The following PLEKHA7 variants were observed in gnomAD, a reference collection of about 807,000 sequenced individuals.
The protein encoded by PLEKHA7 is pleckstrin homology domain containing A7.
A neutral mutation model predicts 170.0 loss-of-function variants in PLEKHA7; 104 were observed. That is an observed-to-expected ratio of 0.61 (90% CI 0.52 to 0.72). The LOEUF is 0.72. Among genes scored for constraint, PLEKHA7 ranks in the 30% least tolerant of loss-of-function variants. The pLI is 0.00. For synonymous variants in PLEKHA7, 648 were observed against 660.8 expected, an observed-to-expected ratio of 0.98 and a Z score of 0.30; for missense variants, 1,615 against 1,671.7, an observed-to-expected ratio of 0.97 and a Z score of 0.59.
chr11:16,918,092 A>T (rs777488988), intron 3 of PLEKHA7, among the ~76,000 whole-genome samples: 1 of 152,234 alleles, frequency 6.6e-6, no homozygotes, highest in Non-Finnish European at 1.5e-5. Context: ...GAACTCTGAA[A>T]GTATGGATAG....
At chr11:16,972,863 G>C (rs185838660) in intron 3 of PLEKHA7, among the ~76,000 whole-genome samples, 1 of 152,090 alleles carries the variant, frequency 6.6e-6, no homozygotes, top group East Asian at 1.9e-4. Flanking sequence ...TAGAAACCTC[G>C]GCCAGTAACC....
chr11:16,851,602 C>A (rs940222786), intron 7 of PLEKHA7, among the ~76,000 whole-genome samples: 3 of 152,148 alleles, frequency 2.0e-5, no homozygotes, highest in African/African-American at 7.2e-5. Flanking sequence ...GCATGCGCCA[C>A]CATGCCTGGC....
intron 3 of PLEKHA7, among the ~76,000 whole-genome samples, chr11:16,956,500 T>C (rs564255287): frequency 6.6e-6 from 1 of 152,292 alleles, no homozygotes; most frequent in South Asian, 2.1e-4. Flanking sequence ...AGTTTAGTGT[T>C]CCTCCCACCA....
intron 3 of PLEKHA7, among the ~76,000 whole-genome samples, chr11:16,999,392 A>T (rs553222240): frequency 3.3e-5 from 5 of 151,956 alleles, no homozygotes; most frequent in Admixed American, 1.3e-4. Flanking sequence ...GGAGCTGCAC[A>T]CCTACCCCCA....
chr11:16,844,173 C>CA lies in PLEKHA7; in HGVS notation c.697-2452dup, dbSNP rs1419910613. Among the ~76,000 whole-genome samples, 8 of 152,112 alleles carry CA rather than the reference C, an allele frequency of 5.3e-5. No homozygotes were observed. In the South Asian group the frequency reaches 1.5e-3, roughly 28 times the overall value. ...ATAAAGACAACAGATCCCTGCTGTA[C>CA]AAAAAATTCATGGAGCCAGCCTTGT... On this transcript the variant is annotated intron_variant, in intron 8 of 26. Coordinates refer to ENST00000531066, the MANE Select transcript of PLEKHA7 (RefSeq NM_001329630.2).
chr11:16,794,190 G>A (rs147001296), intron 19 of PLEKHA7, among the ~76,000 whole-genome samples: 47 of 151,816 alleles, frequency 3.1e-4, no homozygotes, highest in African/African-American at 1.1e-3. Context: ...ACACCTCTCT[G>A]CAGATCACAA....
intron 5 of PLEKHA7, 32 bp downstream of exon 5, chr11:16,855,771 G>A: frequency 6.7e-7 from 1 of 1,491,146 alleles, no homozygotes; most frequent in Non-Finnish European, 9.3e-7. Flanking sequence ...TATAAAAGAA[G>A]GGAAGGAAGG....
chr11:16,916,040 T>G (rs1300990689), intron 3 of PLEKHA7, among the ~76,000 whole-genome samples: 2 of 150,602 alleles, frequency 1.3e-5, no homozygotes, highest in East Asian at 3.9e-4. Context: ...TCCTGACTTT[T>G]TAATGATTGC....
At chr11:16,955,889 A>T (rs948659885) in intron 3 of PLEKHA7, among the ~76,000 whole-genome samples, 9 of 152,198 alleles carry the variant, frequency 5.9e-5, no homozygotes, top group African/African-American at 2.2e-4. Context: ...TAGAGACCAT[A>T]CATAGTCACT....
intron 3 of PLEKHA7, among the ~76,000 whole-genome samples, chr11:16,959,437 T>C (rs929121354): frequency 2.0e-5 from 3 of 152,214 alleles, no homozygotes; most frequent in African/African-American, 7.2e-5. Flanking sequence ...GCAGAAAACA[T>C]GTTTGTAAAC....
In PLEKHA7 at chr11:17,009,998, A is replaced by G. The variant is rs74844549; in HGVS notation, c.221+3991T>C. Among the ~76,000 whole-genome samples, 365 of 152,320 alleles carry G rather than the reference A, an allele frequency of 2.4e-3. 1 individual carries two copies. The highest frequency in any genetic ancestry group is 8.5e-3 in the African/African-American group (353 of 41,574). On this transcript the variant is annotated intron_variant, in intron 3 of 26. Coordinates refer to ENST00000531066, the MANE Select transcript of PLEKHA7 (RefSeq NM_001329630.2). ...TGGGAGAACCAACAGTAGATTTCTT[A>G]TACATTTTGTCCCTCATTAATGCAA...
chr11:16,910,291 CA>C (rs1268811462), intron 3 of PLEKHA7, among the ~76,000 whole-genome samples: 3 of 152,178 alleles, frequency 2.0e-5, no homozygotes, highest in African/African-American at 7.2e-5. Flanking sequence ...GCGACTTGCC[CA>C]AGATCACACA....
intron 10 of PLEKHA7, among the ~76,000 whole-genome samples, chr11:16,818,585 T>C (rs891634386): frequency 1.3e-5 from 2 of 152,236 alleles, no homozygotes; most frequent in South Asian, 2.1e-4. Context: ...AGGTCCTATA[T>C]TGATGTGATC....
chr11:17,007,627 G>A (rs1321421523), intron 3 of PLEKHA7, among the ~76,000 whole-genome samples: 1 of 148,040 alleles, frequency 6.8e-6, no homozygotes, highest in Non-Finnish European at 1.5e-5. Flanking sequence ...AGGCTGGAGT[G>A]CAGTGGCGTG....
In PLEKHA7 at chr11:16,993,649, C is replaced by G. The variant is rs1217591206; in HGVS notation, c.221+20340G>C. ...TAAAAACTGCCCCAGCTGCAATGGT[C>G]TCAAATGGTTCCACTTGACATGCTT... On this transcript the variant is annotated intron_variant, in intron 3 of 26. Coordinates refer to ENST00000531066, the MANE Select transcript of PLEKHA7 (RefSeq NM_001329630.2). Among the ~76,000 whole-genome samples the G allele has an allele frequency of 2.0e-5, 3 of 152,326 alleles. No individual in the cohort carries two copies. In the East Asian group the frequency reaches 5.8e-4, roughly 29 times the overall value.
rs770899975 is a variant in PLEKHA7 at position 16,816,842 on chromosome 11, C to A, written c.1824G>T (p.Ser608=). 1.3e-5 allele frequency: 21 copies of A among 1,614,110 alleles called. No individual in the cohort carries two copies. In the South Asian group the frequency reaches 1.9e-4, roughly 14 times the overall value. Residue 608 remains serine, a synonymous_variant, in exon 11 of 27, where the codon TCG becomes TCT. Transcript: ENST00000531066. ...PPDQRRSVDI[S]LGDSPRRARG... is the part of the protein sequence containing the mutation. The stretch of plus-strand genomic sequence containing the variant: ...GTGCCCTCCTTGGAGAATCCCCCAG[C>A]GAGATGTCCACACTCCTCCTCTGGT...
intron 3 of PLEKHA7, among the ~76,000 whole-genome samples, chr11:17,006,727 G>A (rs1865022443): frequency 6.6e-6 from 1 of 152,156 alleles, no homozygotes; most frequent in Non-Finnish European, 1.5e-5. Context: ...TATCTAGGGA[G>A]GAAAATATAG....
At chr11:17,004,458 T>A (rs949038768) in intron 3 of PLEKHA7, among the ~76,000 whole-genome samples, 7 of 151,260 alleles carry the variant, frequency 4.6e-5, no homozygotes, top group Non-Finnish European at 5.9e-5. Context: ...AATGGCGCAA[T>A]CTCAGTTCAC....
intron 3 of PLEKHA7, among the ~76,000 whole-genome samples, chr11:16,970,047 C>A (rs1179690294): frequency 6.6e-6 from 1 of 152,158 alleles, no homozygotes; most frequent in Non-Finnish European, 1.5e-5. Flanking sequence ...CACATAGGGC[C>A]ACATGGGAGC....
Sources: gnomAD v4.1 joint callset for allele counts (sites outside exome capture counted in the v4.1 genomes callset) on GRCh38, gnomAD v4.1.1 for gene constraint, MANE v1.5 for transcripts, NCBI Gene and HGNC (gene_info 2026-07-23, HGNC 2026-07-21) for gene names.